Variants in LRCH2 observed in about 807,000 individuals in gnomAD.
The protein encoded by LRCH2 is leucine rich repeats and calponin homology domain containing 2.
Under a neutral mutation model 68.9 loss-of-function variants are expected in LRCH2, and 38 were observed. The ratio of observed to expected loss-of-function variants is 0.55; its 90% CI spans 0.43 to 0.72. The LOEUF is 0.72. LRCH2 is among the 30% of genes least tolerant of loss of function. The pLI, the probability that LRCH2 is intolerant of heterozygous loss-of-function variation, is 0.00. For synonymous variants in LRCH2, 191 were observed against 208.1 expected, an observed-to-expected ratio of 0.92 and a Z score of 0.71; for missense variants, 528 against 572.9, an observed-to-expected ratio of 0.92 and a Z score of 0.80.
At chrX:115,203,489 C>A (rs782140142) in intron 1 of LRCH2, among the ~76,000 whole-genome samples, 89 of 112,319 alleles carry the variant, frequency 7.9e-4, no homozygotes, top group Middle Eastern at 9.2e-3. Context: ...CAAGGCAAGT[C>A]CCATTTTGCC....
intron 20 of LRCH2, among the ~76,000 whole-genome samples, chrX:115,114,157 G>A (rs1007433329): frequency 8.1e-5 from 9 of 110,924 alleles, no homozygotes; most frequent in African/African-American, 2.6e-4. Flanking sequence ...GCCCTTCTGC[G>A]ATCCATGTCT....
At chrX:115,140,283 A>G (rs1556533675) in intron 14 of LRCH2, among the ~76,000 whole-genome samples, 1 of 111,403 alleles carries the variant, frequency 9.0e-6, no homozygotes, top group Non-Finnish European at 1.9e-5. Flanking sequence ...CACTGCCTTG[A>G]AGGGAAGGAC....
In LRCH2 at chrX:115,149,915, T is replaced by C. The variant is rs1393376673; in HGVS notation, c.1607A>G (p.Asp536Gly). 8.3e-7 allele frequency: 1 copy of C among 1,199,715 alleles called. No homozygotes were observed. The highest frequency in any genetic ancestry group is 1.1e-6 in the Non-Finnish European group (1 of 889,055). ...GTGAGATTCTGGCCACGGTTGTTCA[T>C]CTATTTGATCCTTCTGATTTTCTAA... ...QPLENQKDQI[D>G]EQPWPESHPI... The change falls in exon 14 of 21, where the codon GAT becomes GGT. Residue 536 changes from aspartate to glycine, a missense_variant. Coordinates refer to ENST00000317135, the MANE Select transcript of LRCH2 (RefSeq NM_020871.4).
intron 15 of LRCH2, among the ~76,000 whole-genome samples, chrX:115,128,977 C>T (rs1445855373): frequency 8.9e-6 from 1 of 111,996 alleles, no homozygotes; most frequent in Admixed American, 9.5e-5. Context: ...AAGTTGAGAG[C>T]CACTACACAA....
At chrX:115,113,896 C>G (rs2072061323) in intron 20 of LRCH2, among the ~76,000 whole-genome samples, 1 of 111,286 alleles carries the variant, frequency 9.0e-6, no homozygotes, top group Non-Finnish European at 1.9e-5. Flanking sequence ...CCTCTTCCAA[C>G]ATTCCAAATG....
At chrX:115,167,995 C>T (rs1556546043) in intron 6 of LRCH2, among the ~76,000 whole-genome samples, 1 of 112,075 alleles carries the variant, frequency 8.9e-6, no homozygotes, top group African/African-American at 3.2e-5. Context: ...ACATACATTG[C>T]TTCATTTAAT....
chrX:115,171,178 A>G (rs2072602037), intron 5 of LRCH2, among the ~76,000 whole-genome samples: 2 of 111,567 alleles, frequency 1.8e-5, no homozygotes, highest in Non-Finnish European at 3.8e-5. Flanking sequence ...AAAATGTAAC[A>G]TTTTATGGGC....
chrX:115,129,840 A>G (rs1221022913), intron 15 of LRCH2, among the ~76,000 whole-genome samples: 1 of 111,364 alleles, frequency 9.0e-6, no homozygotes, highest in Admixed American at 9.6e-5. Context: ...AAAAATCTCA[A>G]TTGACGACCA....
At chrX:115,167,335 T>C (rs1556545685) in intron 6 of LRCH2, among the ~76,000 whole-genome samples, 1 of 108,328 alleles carries the variant, frequency 9.2e-6, no homozygotes. Flanking sequence ...AGAAAATACA[T>C]TTTTAAAACT....
intron 1 of LRCH2, among the ~76,000 whole-genome samples, chrX:115,232,345 C>A (rs2073158495): frequency 9.0e-6 from 1 of 110,943 alleles, no homozygotes; most frequent in Non-Finnish European, 1.9e-5. Flanking sequence ...GAAGAACACA[C>A]CAAGTTGCAT....
chrX:115,190,363 G>A (rs1410362407), intron 1 of LRCH2: 8 of 1,162,284 alleles, frequency 6.9e-6, no homozygotes, highest in African/African-American at 3.6e-5. Context: ...CAAGAGCTAC[G>A]GAGGCCCATG....
intron 1 of LRCH2, among the ~76,000 whole-genome samples, chrX:115,197,542 A>G (rs1268351850): frequency 9.0e-6 from 1 of 110,919 alleles, no homozygotes; most frequent in Non-Finnish European, 1.9e-5. Flanking sequence ...GCTTGAGCCC[A>G]GGTGTTTAGG....
chrX:115,205,372 C>G (rs2072958368), intron 1 of LRCH2, among the ~76,000 whole-genome samples: 1 of 112,061 alleles, frequency 8.9e-6, no homozygotes, highest in African/African-American at 3.3e-5. Flanking sequence ...TGTGATGATG[C>G]ATACATGACA....
chrX:115,145,369 C>T (rs1441409241), intron 14 of LRCH2, among the ~76,000 whole-genome samples: 1 of 111,210 alleles, frequency 9.0e-6, no homozygotes, highest in Non-Finnish European at 1.9e-5. Flanking sequence ...GGGAAAATCT[C>T]CAGGACACAG....
At chrX:115,162,645 G>T (rs782121022) in intron 11 of LRCH2, among the ~76,000 whole-genome samples, 2 of 111,590 alleles carry the variant, frequency 1.8e-5, no homozygotes, top group East Asian at 5.6e-4. Flanking sequence ...TAGCTTATTA[G>T]CTATTATATA....
chrX:115,212,407 T>C (rs1556570209), intron 1 of LRCH2, among the ~76,000 whole-genome samples: 2 of 112,440 alleles, frequency 1.8e-5, no homozygotes, highest in African/African-American at 6.5e-5. Flanking sequence ...TTATTCAACA[T>C]TAAGCATGAT....
At chrX:115,194,109 C>T (rs2072868975) in intron 1 of LRCH2, among the ~76,000 whole-genome samples, 1 of 110,665 alleles carries the variant, frequency 9.0e-6, no homozygotes, top group Admixed American at 9.7e-5. Flanking sequence ...AGAACATTAA[C>T]ATATGCATTA....
intron 1 of LRCH2, among the ~76,000 whole-genome samples, chrX:115,231,448 T>C (rs1556578460): frequency 5.4e-5 from 6 of 111,412 alleles, no homozygotes; most frequent in Non-Finnish European, 1.1e-4. Flanking sequence ...CCCCTAAAAA[T>C]TTCGTGGCTA....
chrX:115,192,045 G>T (rs376362381), intron 1 of LRCH2: 5 of 1,165,447 alleles, frequency 4.3e-6, no homozygotes, highest in Non-Finnish European at 5.7e-6. Flanking sequence ...GAGGCCGCTC[G>T]CACGACACCC....
Sources: allele counts gnomAD v4.1 joint callset (sites outside exome capture counted in the v4.1 genomes callset), GRCh38; gene constraint gnomAD v4.1.1; transcripts MANE v1.5; gene names NCBI Gene and HGNC (gene_info 2026-07-23, HGNC 2026-07-21).